SPIDR: variants seen among roughly 807,000 people sequenced by gnomAD.
SPIDR encodes scaffold protein involved in DNA repair, also known as DNA repair-scaffolding protein.
SPIDR carries 93 observed loss-of-function variants against 104.6 expected under a neutral mutation model. The ratio of observed to expected loss-of-function variants is 0.89; its 90% CI spans 0.75 to 1.06. The LOEUF (loss-of-function observed/expected upper bound fraction) is 1.06. SPIDR is among the 50% of genes least tolerant of loss of function. The probability of loss-of-function intolerance (pLI) is 0.00; values close to 1 mark genes in which losing one functional copy is unlikely to be tolerated. For synonymous variants in SPIDR, 431 were observed against 416.9 expected (o/e 1.03, Z -0.41); for missense variants, 1,154 against 1,111.2 (o/e 1.04, Z -0.55).
At chr8:47,274,385 T>C (rs1284522266) in intron 1 of SPIDR, among the ~76,000 whole-genome samples, 1 of 152,214 alleles carries the variant, frequency 6.6e-6, no homozygotes, top group Non-Finnish European at 1.5e-5. Flanking sequence ...AATTCTATGT[T>C]CATTACTAGT....
At chr8:47,611,330 G>T (rs2063573331) in intron 10 of SPIDR, among the ~76,000 whole-genome samples, 1 of 152,142 alleles carries the variant, frequency 6.6e-6, no homozygotes, top group Non-Finnish European at 1.5e-5. Context: ...AAACAAACAG[G>T]GAACAGCACA....
At chr8:47,544,001 A>G (rs1478494341) in intron 8 of SPIDR, among the ~76,000 whole-genome samples, 2 of 151,874 alleles carry the variant, frequency 1.3e-5, no homozygotes, top group African/African-American at 4.8e-5. Context: ...GTTAATAAGG[A>G]AGGAGCATAC....
At chr8:47,393,943 C>T (rs1169417181) in intron 5 of SPIDR, among the ~76,000 whole-genome samples, 3 of 151,648 alleles carry the variant, frequency 2.0e-5, no homozygotes, top group Non-Finnish European at 4.4e-5. Flanking sequence ...CTCACTCTGT[C>T]ACCCAGGCTG....
In SPIDR at chr8:47,735,670, A is replaced by G. The variant is rs2086178335; in HGVS notation, c.*220A>G. 3.0e-6 allele frequency: 3 copies of G among 991,290 alleles called. No individual in the cohort carries two copies. Among genetic ancestry groups the G allele is most frequent in the Non-Finnish European group, 4.3e-6 (3 of 699,494 alleles). The allele number at this position is 991,290 out of a possible 1,614,324, so 61.4% of individuals were successfully genotyped here. A position where few individuals can be genotyped will look rare whatever the true frequency, so the allele number is the denominator to read the frequency against. ...TTTATCTTTTATTTTCTGCAAATTTAGGAACATATTTACTCGTTTTCACAT... is the reference window on the plus strand; with the variant it reads ...TTTATCTTTTATTTTCTGCAAATTTGGGAACATATTTACTCGTTTTCACAT... On this transcript the variant is annotated 3_prime_UTR_variant, in exon 20 of 20. Coordinates refer to ENST00000297423, the MANE Select transcript of SPIDR (RefSeq NM_001080394.4).
At chr8:47,589,403 T>A (rs1213234161) in intron 8 of SPIDR, among the ~76,000 whole-genome samples, 4 of 151,808 alleles carry the variant, frequency 2.6e-5, no homozygotes, top group Non-Finnish European at 4.4e-5. Context: ...GCGCCTGTAG[T>A]CCCAGCTACT....
chr8:47,607,741 A>G (rs2063131653), intron 10 of SPIDR, among the ~76,000 whole-genome samples: 1 of 151,946 alleles, frequency 6.6e-6, no homozygotes, highest in Non-Finnish European at 1.5e-5. Flanking sequence ...TATTTTACTA[A>G]TTGACATCCA....
chr8:47,265,351 GC>G (rs1411217105), intron 1 of SPIDR, among the ~76,000 whole-genome samples: 1 of 151,786 alleles, frequency 6.6e-6, no homozygotes, highest in African/African-American at 2.4e-5. Flanking sequence ...ACTGTGCCTG[GC>G]TAATATTTAA....
intron 10 of SPIDR, chr8:47,667,950 A>C (rs2075212403): frequency 6.6e-6 from 1 of 152,226 alleles, no homozygotes; most frequent in African/African-American, 2.4e-5. Flanking sequence ...TAAGTTTGAA[A>C]ATAGACAAGA....
intron 10 of SPIDR, among the ~76,000 whole-genome samples, chr8:47,671,445 TGTGGCA>T (rs1563493711): frequency 6.6e-6 from 1 of 151,846 alleles, no homozygotes; most frequent in Non-Finnish European, 1.5e-5. Flanking sequence ...ATTAGCCAGG[TGTGGCA>T]GTGGGCTCCT....
At chr8:47,446,608 A>G (rs1357297002) in intron 8 of SPIDR, among the ~76,000 whole-genome samples, 1 of 143,976 alleles carries the variant, frequency 6.9e-6, no homozygotes, top group Non-Finnish European at 1.5e-5. Flanking sequence ...TTTAAATGAG[A>G]TGGAGTCTCA....
At chr8:47,705,091 G>A (rs1185655102) in intron 14 of SPIDR, among the ~76,000 whole-genome samples, 6 of 152,190 alleles carry the variant, frequency 3.9e-5, no homozygotes, top group East Asian at 1.9e-4. Context: ...TCCTGCCCAC[G>A]GCCCTCTGGC....
At chr8:47,655,615 C>T (rs1277984902) in intron 10 of SPIDR, among the ~76,000 whole-genome samples, 1 of 152,092 alleles carries the variant, frequency 6.6e-6, no homozygotes, top group African/African-American at 2.4e-5. Context: ...ATTGTAGATT[C>T]TGGATATTAG....
chr8:47,439,657 T>C (rs2069017339), intron 7 of SPIDR, among the ~76,000 whole-genome samples: 1 of 152,242 alleles, frequency 6.6e-6, no homozygotes, highest in African/African-American at 2.4e-5. Context: ...TTCAGTTATC[T>C]CATTTAATCT....
At chr8:47,403,629 G>A (rs1328940391) in intron 6 of SPIDR, among the ~76,000 whole-genome samples, 1 of 151,980 alleles carries the variant, frequency 6.6e-6, no homozygotes, top group African/African-American at 2.4e-5. Flanking sequence ...AAAATACCTA[G>A]GAATCCAACT....
Position 47,598,938 on chromosome 8 carries a change from T to A in SPIDR, c.1294-8T>A. 1 of 1,613,910 alleles carries A rather than the reference T, an allele frequency of 6.2e-7. No individual in the cohort carries two copies. Among genetic ancestry groups the A allele is most frequent in the Non-Finnish European group, 8.5e-7 (1 of 1,179,910 alleles). Reference sequence around the variant, plus strand: ...CTTGAAACTGTTCCCTTTATGTGTCTTGGCCAGGTTGTGTGTAGTGGTGTA... The same window carrying A: ...CTTGAAACTGTTCCCTTTATGTGTCATGGCCAGGTTGTGTGTAGTGGTGTA... On this transcript the variant is annotated splice_polypyrimidine_tract_variant and splice_region_variant and intron_variant, in intron 9 of 19. Transcript: ENST00000297423.
chr8:47,633,856 G>A lies in SPIDR; in HGVS notation c.1544+34660G>A, dbSNP rs146788071. ...CGCCTGTAATCTCAACACTTTGGGA[G>A]GCTGAGGTGGGCAGATTGCTTGAGC... On this transcript the variant is annotated intron_variant, in intron 10 of 19. Transcript: ENST00000297423. 9.2e-5 allele frequency among the ~76,000 whole-genome samples: 14 copies of A among 152,280 alleles called. No individual in the cohort carries two copies. In the East Asian group the frequency reaches 2.7e-3, roughly 29 times the overall value.
At chr8:47,276,569 A>G (rs2036469346) in intron 1 of SPIDR, among the ~76,000 whole-genome samples, 1 of 152,240 alleles carries the variant, frequency 6.6e-6, no homozygotes, top group African/African-American at 2.4e-5. Flanking sequence ...AACAAAATAA[A>G]AAACTGAAGA....
chr8:47,551,722 C>G lies in SPIDR; in HGVS notation c.1098-44089C>G, dbSNP rs187610257. Among the ~76,000 whole-genome samples the G allele has an allele frequency of 6.6e-5, 10 of 152,254 alleles. No individual in the cohort carries two copies. In the East Asian group the frequency reaches 1.2e-3, roughly 18 times the overall value. On this transcript the variant is annotated intron_variant, in intron 8 of 19. Coordinates refer to ENST00000297423, the MANE Select transcript of SPIDR (RefSeq NM_001080394.4). Reference sequence around the variant, plus strand: ...TTTGTCGATCATTTCAAAAAACCAGCTCCTGGATTCATTAATTTTTTGAAG... The same window carrying G: ...TTTGTCGATCATTTCAAAAAACCAGGTCCTGGATTCATTAATTTTTTGAAG...
At chr8:47,733,538 G>A (rs1273789799) in intron 19 of SPIDR, among the ~76,000 whole-genome samples, 3 of 152,016 alleles carry the variant, frequency 2.0e-5, no homozygotes, top group East Asian at 1.9e-4. Context: ...TTTCACACTT[G>A]CACAAACATG....
Sources: gnomAD v4.1 joint callset for allele counts (sites outside exome capture counted in the v4.1 genomes callset) on GRCh38, gnomAD v4.1.1 for gene constraint, MANE v1.5 for transcripts, NCBI Gene and HGNC (gene_info 2026-07-23, HGNC 2026-07-21) for gene names.